Variants in PCDHGA1 observed in about 807,000 individuals in gnomAD.
PCDHGA1 encodes the protein protocadherin gamma-A1.
A neutral mutation model predicts 58.0 loss-of-function variants in PCDHGA1; 32 were observed. That is an observed-to-expected ratio of 0.55 (90% CI 0.42 to 0.74). The LOEUF (loss-of-function observed/expected upper bound fraction) is 0.74, where lower values mean the gene tolerates loss of function less well. Ranked by LOEUF, PCDHGA1 falls within the 30% of genes least tolerant of loss-of-function variation. PCDHGA1 has a pLI of 0.00. For missense variants in PCDHGA1, 1,205 were observed against 1,182.3 expected (o/e 1.02, Z -0.28); for synonymous variants, 498 against 501.1 (o/e 0.99, Z 0.08).
chr5:141,333,295 A>G, intron 1 of PCDHGA1, 190 bp downstream of exon 1: 1 of 868,884 alleles, frequency 1.2e-6, no homozygotes, highest in East Asian at 2.7e-5. Flanking sequence ...TTGTTCTTGC[A>G]CTGAAAAGGA....
At chr5:141,450,642 A>C (rs2098688710) in intron 1 of PCDHGA1, among the ~76,000 whole-genome samples, 1 of 151,504 alleles carries the variant, frequency 6.6e-6, no homozygotes, top group Non-Finnish European at 1.5e-5. Context: ...GCCTGCCACC[A>C]TGCCTGGCTA....
intron 1 of PCDHGA1, chr5:141,362,287 T>C (rs1364587967): frequency 2.2e-5 from 36 of 1,613,948 alleles, no homozygotes; most frequent in Non-Finnish European, 3.0e-5. Context: ...CCTGCGACTC[T>C]CTTCCAGGTC....
intron 2 of PCDHGA1, among the ~76,000 whole-genome samples, chr5:141,497,859 G>A (rs188372194): frequency 2.0e-4 from 31 of 152,134 alleles, no homozygotes; most frequent in Middle Eastern, 6.8e-3. Context: ...TTGATTCAGC[G>A]GCTCCAAAGT....
At chr5:141,430,834 G>T (rs1317415848) in intron 1 of PCDHGA1, 1 of 1,557,712 alleles carries the variant, frequency 6.4e-7, no homozygotes, top group Non-Finnish European at 8.7e-7. Context: ...CTCTGTGGGA[G>T]ACCGGATGCA....
At chr5:141,340,397 GC>G in intron 1 of PCDHGA1, 4 of 1,614,064 alleles carry the variant, frequency 2.5e-6, no homozygotes, top group Non-Finnish European at 3.4e-6. Flanking sequence ...CTCAGTGACG[GC>G]CCATGACCCC....
intron 1 of PCDHGA1, chr5:141,345,442 CCAT>C (rs746288391): frequency 8.7e-6 from 14 of 1,614,016 alleles, no homozygotes; most frequent in East Asian, 2.2e-5. Flanking sequence ...AGAGGAGCCT[CCAT>C]CTTCTCAGTG....
In PCDHGA1 at chr5:141,330,846, G is replaced by A. The variant is rs139081093; in HGVS notation, c.162G>A (p.Leu54=). The change falls in exon 1 of 4, where the codon CTG becomes CTA. Residue 54 remains leucine, a synonymous_variant. Transcript: ENST00000517417. ...GCAACATCGCCAAGGACCTAGGGCTGCAACCCCAGGAGCTGGCAGATGGCG... is the reference window on the plus strand; with the variant it reads ...GCAACATCGCCAAGGACCTAGGGCTACAACCCCAGGAGCTGGCAGATGGCG... ...FVGNIAKDLG[L]QPQELADGGV... 1.6e-4 allele frequency: 251 copies of A among 1,614,214 alleles called. No individual in the cohort carries two copies. In the African/African-American group the frequency reaches 2.4e-3, roughly 15 times the overall value.
At chr5:141,375,948 A>C in intron 1 of PCDHGA1, 1 of 1,613,556 alleles carries the variant, frequency 6.2e-7, no homozygotes, top group Non-Finnish European at 8.5e-7. Context: ...GTGGGCCTGC[A>C]CACGGGCGAG....
chr5:141,394,361 G>T (rs2092984834), intron 1 of PCDHGA1: 2 of 1,614,190 alleles, frequency 1.2e-6, no homozygotes, highest in Non-Finnish European at 1.7e-6. Context: ...TCCTGTATGC[G>T]CTGCAATCTT....
chr5:141,508,867 G>A (rs2099872497), intron 3 of PCDHGA1, among the ~76,000 whole-genome samples: 1 of 152,108 alleles, frequency 6.6e-6, no homozygotes. Flanking sequence ...GGGAAAGGCT[G>A]AAGAGGCTGA....
In PCDHGA1 at chr5:141,485,124, C is replaced by A; in HGVS notation, c.2422-9683C>A. ...GCTGCTGTGGCTGTTTGGGGCGGGT[C>A]GGCTTCATCCGCGTCTCAGGAGCAA... is the stretch of plus-strand genomic sequence containing the variant. On this transcript the variant is annotated intron_variant, in intron 1 of 3. Transcript: ENST00000517417. The surrounding 1 kb of genome is among the most constrained non-coding windows in gnomAD (Gnocchi z 5.7). 2 of 1,390,136 alleles carry A rather than the reference C, an allele frequency of 1.4e-6. No homozygotes were observed. The highest frequency in any genetic ancestry group is 2.5e-5 in the South Asian group (2 of 80,180). 86.1% of individuals were successfully genotyped at this position (1,390,136 alleles called of 1,614,324 possible). A position where few individuals can be genotyped will look rare whatever the true frequency, so the allele number is the denominator to read the frequency against.
In PCDHGA1 at chr5:141,493,103, A is replaced by G. The variant is rs1396614836; in HGVS notation, c.2422-1704A>G. Among the ~76,000 whole-genome samples the G allele has an allele frequency of 6.6e-6, 1 of 152,086 alleles. No homozygotes were observed. The highest frequency in any genetic ancestry group is 1.5e-5 in the Non-Finnish European group (1 of 68,022). On this transcript the variant is annotated intron_variant, in intron 1 of 3. Transcript: ENST00000517417. The surrounding 1 kb of genome is among the most constrained non-coding windows in gnomAD (Gnocchi z 4.3). ...AGGAGCTTTTATTCAAAATATATCA[A>G]TGCCTAACTCTGCTCCTAGGACTGT...
intron 1 of PCDHGA1, chr5:141,339,292 CA>C (rs1262889557): frequency 1.9e-6 from 3 of 1,614,266 alleles, no homozygotes; most frequent in African/African-American, 2.7e-5. Flanking sequence ...TGAATTTTAA[CA>C]TTCTGCTGGA....
chr5:141,483,648 T>TTGTGTGTGTGTG (rs111458813), intron 1 of PCDHGA1, among the ~76,000 whole-genome samples: 51 of 149,708 alleles, frequency 3.4e-4, no homozygotes, highest in African/African-American at 1.2e-3. Context: ...GGGTGTGTGT[T>TTGTGTGTGTGTG]TGTGTGTGTG....
intron 1 of PCDHGA1, chr5:141,360,240 T>G: frequency 6.2e-7 from 1 of 1,613,948 alleles, no homozygotes; most frequent in African/African-American, 1.3e-5. Context: ...AGATCCGCTA[T>G]TCAATTCCAG....
At position 141,334,286 on chromosome 5, in the gene PCDHGA1, G is replaced by A. The variant is rs538127748; in HGVS notation, c.2421+1181G>A. 2 of 152,350 alleles carry A rather than the reference G, an allele frequency of 1.3e-5. No homozygotes were observed. Among genetic ancestry groups the A allele is most frequent in the South Asian group, 2.1e-4 (1 of 4,826 alleles). 9.4% of individuals were successfully genotyped at this position (152,350 alleles called of 1,614,324 possible). A position where few individuals can be genotyped will look rare whatever the true frequency, so the allele number is the denominator to read the frequency against. On this transcript the variant is annotated intron_variant, in intron 1 of 3. Coordinates refer to ENST00000517417, the MANE Select transcript of PCDHGA1 (RefSeq NM_018912.3). This position sits in a 1 kb window ranked among gnomAD's most constrained non-coding sequence, Gnocchi z 4.6. The stretch of plus-strand genomic sequence containing the variant: ...GGCTTACTGCCTGAATCCAAAATAA[G>A]CAATGAGGCCCTTCAGCTGGTTAAA...
At chr5:141,500,452 G>C (rs554196222) in intron 2 of PCDHGA1, among the ~76,000 whole-genome samples, 1 of 151,506 alleles carries the variant, frequency 6.6e-6, no homozygotes, top group South Asian at 2.1e-4. Context: ...CTCGTGATCC[G>C]CCCGCCTCGG....
Position 141,371,593 on chromosome 5 carries a change from A to C in PCDHGA1, c.2421+38488A>C, listed in dbSNP as rs758082937. The C allele has an allele frequency of 1.2e-6, 2 of 1,613,972 alleles. No individual in the cohort carries two copies. The highest frequency in any genetic ancestry group is 1.7e-6 in the Non-Finnish European group (2 of 1,179,876). The stretch of plus-strand genomic sequence containing the variant: ...TTTAAAATCGTTCAAGATACCAAAA[A>C]CACATACAGGTTGGTGACAGATGGA... On this transcript the variant is annotated intron_variant, in intron 1 of 3. Coordinates refer to ENST00000517417, the MANE Select transcript of PCDHGA1 (RefSeq NM_018912.3).
At chr5:141,351,808 C>A in intron 1 of PCDHGA1, 1 of 1,613,306 alleles carries the variant, frequency 6.2e-7, no homozygotes, top group Non-Finnish European at 8.5e-7. Flanking sequence ...AGCGCGCCTT[C>A]GACCACGAGC....
Sources: gnomAD v4.1 joint callset for allele counts (sites outside exome capture counted in the v4.1 genomes callset) on GRCh38, gnomAD v4.1.1 for gene constraint, Gnocchi (gnomAD v3.1) non-coding constraint, MANE v1.5 for transcripts, NCBI Gene and HGNC (gene_info 2026-07-23, HGNC 2026-07-21) for gene names.